Variants in SPATA31G1 observed in about 807,000 individuals in gnomAD.
SPATA31G1 encodes the protein spermatogenesis-associated protein 31G1.
the SPATA31G1 span, chr9:35,045,617 C>T: frequency 1.2e-5 from 20 of 1,614,084 alleles, no homozygotes; most frequent in East Asian, 3.8e-4. Flanking sequence ...AACACAGGGG[C>T]CAGAGCTCTC....
At chr9:35,045,422 G>A in the SPATA31G1 span, 2 of 1,614,150 alleles carry the variant, frequency 1.2e-6, no homozygotes, top group South Asian at 1.1e-5. Flanking sequence ...TCTCAGGCAA[G>A]AGAAAGGACA....
chr9:35,043,598 T>C, the SPATA31G1 span: 1 of 1,614,144 alleles, frequency 6.2e-7, no homozygotes, highest in Admixed American at 1.7e-5. Flanking sequence ...ATGAGACTCA[T>C]TTGGAAACCA....
the SPATA31G1 span, chr9:35,044,857 G>A: frequency 1.4e-5 from 22 of 1,613,978 alleles, no homozygotes; most frequent in East Asian, 2.2e-4. Context: ...AAGATTGAAC[G>A]CACTCATCCT....
At chr9:35,045,550 C>G in the SPATA31G1 span, 148 of 1,614,094 alleles carry the variant, frequency 9.2e-5, no homozygotes, top group Non-Finnish European at 1.2e-4. Context: ...AAGAACCACC[C>G]TGCCCAGGCC....
At chr9:35,045,812 G>A in the SPATA31G1 span, 1 of 1,613,934 alleles carries the variant, frequency 6.2e-7, no homozygotes, top group Non-Finnish European at 8.5e-7. Context: ...GTTTGCAAAA[G>A]GTGTTAGCCA....
chr9:35,043,267 G>A, the SPATA31G1 span: 4 of 1,614,166 alleles, frequency 2.5e-6, no homozygotes, highest in Non-Finnish European at 2.5e-6. Flanking sequence ...ATCTTCCTGA[G>A]CTCAGGTGGC....
the SPATA31G1 span, chr9:35,045,255 G>A: frequency 2.9e-5 from 47 of 1,614,092 alleles, no homozygotes; most frequent in South Asian, 5.1e-4. Context: ...TCAGCCACAG[G>A]AGTCTGGCAG....
At chr9:35,043,871 G>C in the SPATA31G1 span, 3 of 1,614,126 alleles carry the variant, frequency 1.9e-6, no homozygotes, top group Non-Finnish European at 2.5e-6. Context: ...AGCCCCAGTG[G>C]GAATGCAGAG....
chr9:35,044,643 G>T, the SPATA31G1 span: 1 of 1,614,134 alleles, frequency 6.2e-7, no homozygotes, highest in Non-Finnish European at 8.5e-7. Context: ...GCCTGACGGG[G>T]AGGCAGTGGA....
At chr9:35,045,730 G>A in the SPATA31G1 span, 1 of 1,614,254 alleles carries the variant, frequency 6.2e-7, no homozygotes, top group African/African-American at 1.3e-5. Flanking sequence ...CCTCGCCACT[G>A]TAAGCACTGT....
chr9:35,044,094 G>C, the SPATA31G1 span: 1 of 1,614,072 alleles, frequency 6.2e-7, no homozygotes. Context: ...GGGCCCCCAG[G>C]GAGTCCTGTC....
chr9:35,042,284 G>T, the SPATA31G1 span: 1 of 1,614,190 alleles, frequency 6.2e-7, no homozygotes, highest in Non-Finnish European at 8.5e-7. Context: ...ACCTGCTTGG[G>T]GCTAAGGGGG....
At chr9:35,045,737 C>G in the SPATA31G1 span, 1 of 1,614,138 alleles carries the variant, frequency 6.2e-7, no homozygotes, top group African/African-American at 1.3e-5. Flanking sequence ...ACTGTAAGCA[C>G]TGTCCTTGGG....
At chr9:35,044,037 T>C in the SPATA31G1 span, 1 of 1,613,826 alleles carries the variant, frequency 6.2e-7, no homozygotes, top group Non-Finnish European at 8.5e-7. Flanking sequence ...AGACCCAGTT[T>C]CACCTCCCAG....
At chr9:35,043,310 T>C in the SPATA31G1 span, 8 of 1,614,218 alleles carry the variant, frequency 5.0e-6, no homozygotes, top group Non-Finnish European at 6.8e-6. Flanking sequence ...TTTGTTCTTC[T>C]GTCTTCTTCA....
the SPATA31G1 span, chr9:35,042,398 C>G: frequency 4.2e-5 from 67 of 1,614,068 alleles, no homozygotes; most frequent in South Asian, 7.0e-4. Context: ...TATTCTTATT[C>G]GTGGTTTGGC....
chr9:35,044,522 G>T, the SPATA31G1 span: 1 of 1,614,096 alleles, frequency 6.2e-7, no homozygotes, highest in Non-Finnish European at 8.5e-7. Context: ...GGGAAATGGA[G>T]CAAAAAGAAA....
At chr9:35,045,009 C>A in the SPATA31G1 span, 1 of 1,614,212 alleles carries the variant, frequency 6.2e-7, no homozygotes, top group Non-Finnish European at 8.5e-7. Flanking sequence ...GCTGAAGAAA[C>A]TGCGGCAGAG....
At chr9:35,044,385 G>A in the SPATA31G1 span, 4 of 1,614,078 alleles carry the variant, frequency 2.5e-6, no homozygotes, top group South Asian at 3.3e-5. Context: ...TGATTCTGAA[G>A]CTAGATGTGG....
Sources: gnomAD v4.1 joint callset for allele counts on GRCh38, gnomAD v4.1.1 for gene constraint, MANE v1.5 for transcripts, NCBI Gene and HGNC (gene_info 2026-07-23, HGNC 2026-07-21) for gene names.